RMDN2: variants seen among roughly 807,000 people sequenced by gnomAD.
The protein encoded by RMDN2 is regulator of microtubule dynamics protein 2.
In RMDN2, 61 loss-of-function variants were observed where a neutral mutation model predicts 52.8. The observed-to-expected ratio is 1.16, with a 90% CI of 0.94 to 1.43. The LOEUF is 1.43. RMDN2 is among the 40% of genes most tolerant of loss of function. RMDN2 has a pLI of 0.00. For missense variants in RMDN2, 592 were observed against 475.3 expected, an observed-to-expected ratio of 1.25 and a Z score of -2.28; for synonymous variants, 180 against 153.1, an observed-to-expected ratio of 1.18 and a Z score of -1.30.
At chr2:37,929,145 A>T in intron 1 of RMDN2, 117 bp from the exon 2 acceptor site, 1 of 630,694 alleles carries the variant, frequency 1.6e-6, no homozygotes, top group Non-Finnish European at 2.8e-6. Flanking sequence ...CTATTGTCCT[A>T]CTTTTTGTAA....
chr2:37,998,654 C>T lies in RMDN2; in HGVS notation c.1044+1140C>T, dbSNP rs77690942. Reference sequence around the variant, plus strand: ...GTTTCTTCTCACTTTCTATCTCTCACCCCCAATGGCCAGTGGCTGCCTCAA... The same window carrying T: ...GTTTCTTCTCACTTTCTATCTCTCATCCCCAATGGCCAGTGGCTGCCTCAA... On this transcript the variant is annotated intron_variant, in intron 8 of 10. Transcript: ENST00000354545. Among the ~76,000 whole-genome samples, 138 of 152,254 alleles carry T rather than the reference C, an allele frequency of 9.1e-4. 2 individuals are homozygous for T. The East Asian group carries it at 0.023, about 25-fold the overall frequency.
chr2:38,054,621 G>T (rs59180315), intron 10 of RMDN2, among the ~76,000 whole-genome samples: 18,453 of 152,124 alleles, frequency 0.12, 2,156 homozygotes, highest in East Asian at 0.67. Context: ...GTCCCCTCCC[G>T]TGTGCTTTGT....
rs763116228 is a variant in RMDN2, at chr2:37,962,265, G to A, written c.453-11775G>A. 1.5e-4 allele frequency among the ~76,000 whole-genome samples: 23 copies of A among 152,330 alleles called. 1 individual carries two copies. The highest frequency in any genetic ancestry group is 8.5e-4 in the Admixed American group (13 of 15,300). ...CTCTTCAGAGCCAGCAGGCAGAAAC[G>A]TTTAAGTCTGCTGAAGCTGTGCCCA... is the stretch of plus-strand genomic sequence containing the variant. On this transcript the variant is annotated intron_variant, in intron 2 of 10. Transcript: ENST00000354545.
intron 10 of RMDN2, among the ~76,000 whole-genome samples, chr2:38,052,308 C>T (rs2125301160): frequency 6.6e-6 from 1 of 152,228 alleles, no homozygotes; most frequent in South Asian, 2.1e-4. Context: ...ACCTGTTGGC[C>T]ATTTGTGTGT....
intron 8 of RMDN2, among the ~76,000 whole-genome samples, chr2:38,001,103 C>G (rs1426353161): frequency 6.6e-6 from 1 of 152,148 alleles, no homozygotes; most frequent in Non-Finnish European, 1.5e-5. Flanking sequence ...CTGCAGAACT[C>G]TTGGCTGTGT....
chr2:37,960,569 C>T (rs1262881193), intron 2 of RMDN2, among the ~76,000 whole-genome samples: 2 of 152,136 alleles, frequency 1.3e-5, no homozygotes, highest in East Asian at 3.9e-4. Context: ...GAATACAGCA[C>T]ACCAATGGGT....
intron 2 of RMDN2, among the ~76,000 whole-genome samples, chr2:37,944,873 A>G (rs143731489): frequency 2.4e-4 from 37 of 152,328 alleles, no homozygotes; most frequent in African/African-American, 8.4e-4. Flanking sequence ...ATGGGCCACA[A>G]GGAAGAAGCC....
At chr2:37,962,829 T>C (rs1383630086) in intron 2 of RMDN2, among the ~76,000 whole-genome samples, 1 of 151,848 alleles carries the variant, frequency 6.6e-6, no homozygotes, top group African/African-American at 2.4e-5. Context: ...GCCCTTTTGG[T>C]GTAGGCACCC....
chr2:37,969,461 T>G (rs1208926555), intron 2 of RMDN2, among the ~76,000 whole-genome samples: 1 of 151,554 alleles, frequency 6.6e-6, no homozygotes, highest in Non-Finnish European at 1.5e-5. Context: ...TATCTTATAT[T>G]TTTCTTACTA....
intron 10 of RMDN2, among the ~76,000 whole-genome samples, chr2:38,042,980 G>C (rs985894268): frequency 6.6e-5 from 10 of 152,086 alleles, no homozygotes; most frequent in African/African-American, 2.4e-4. Context: ...TGCTCTATTG[G>C]ATGGAGAATT....
chr2:38,014,045 A>G (rs1678384822), intron 10 of RMDN2, among the ~76,000 whole-genome samples: 2 of 145,502 alleles, frequency 1.4e-5, no homozygotes, highest in South Asian at 2.2e-4. Flanking sequence ...CATCTTTACT[A>G]AAAAAAAAAA....
intron 4 of RMDN2, among the ~76,000 whole-genome samples, chr2:37,978,102 C>G (rs1186076583): frequency 1.3e-5 from 2 of 152,172 alleles, no homozygotes; most frequent in African/African-American, 2.4e-5. Flanking sequence ...GCAGATCACT[C>G]GCGATCAGGA....
intron 2 of RMDN2, among the ~76,000 whole-genome samples, chr2:37,969,449 G>A (rs1558488412): frequency 6.6e-6 from 1 of 150,944 alleles, no homozygotes. Flanking sequence ...TTTTTTCATA[G>A]GTATCTTATA....
chr2:37,994,892 C>T (rs368487175), intron 7 of RMDN2, among the ~76,000 whole-genome samples: 5 of 152,104 alleles, frequency 3.3e-5, no homozygotes, highest in African/African-American at 7.2e-5. Context: ...AGCATTATGC[C>T]GAGAAAGCTC....
chr2:38,029,013 C>T (rs1288194534), intron 10 of RMDN2, among the ~76,000 whole-genome samples: 2 of 152,116 alleles, frequency 1.3e-5, no homozygotes, highest in Non-Finnish European at 2.9e-5. Context: ...GAACAGGAGA[C>T]TGGGCGGGCA....
At chr2:38,018,140 C>T (rs940016220), downstream of RMDN2, among the ~76,000 whole-genome samples, 1 of 152,144 alleles carries the variant, frequency 6.6e-6, no homozygotes, top group African/African-American at 2.4e-5. Context: ...GCCACCTGGA[C>T]GTATAATGCA....
chr2:37,989,007 T>G (rs1205009882), intron 5 of RMDN2, among the ~76,000 whole-genome samples: 1 of 152,174 alleles, frequency 6.6e-6, no homozygotes, highest in African/African-American at 2.4e-5. Flanking sequence ...ACTCTAAAAT[T>G]ACCTTTGATT....
At chr2:38,019,283 C>G (rs1236393994), downstream of RMDN2, among the ~76,000 whole-genome samples, 1 of 152,136 alleles carries the variant, frequency 6.6e-6, no homozygotes, top group Non-Finnish European at 1.5e-5. Context: ...ATGAGGACTA[C>G]CAAGAAACAC....
At chr2:37,971,348 A>T (rs1267078720) in intron 2 of RMDN2, among the ~76,000 whole-genome samples, 1 of 152,112 alleles carries the variant, frequency 6.6e-6, no homozygotes, top group Admixed American at 6.5e-5. Context: ...TTCCTCCGCT[A>T]AACTGTCTTG....
Sources: allele counts gnomAD v4.1 joint callset (sites outside exome capture counted in the v4.1 genomes callset), GRCh38; gene constraint gnomAD v4.1.1; transcripts MANE v1.5; gene names NCBI Gene and HGNC (gene_info 2026-07-23, HGNC 2026-07-21).